Variants in MARCHF1 observed in about 807,000 individuals in gnomAD.
MARCHF1 encodes E3 ubiquitin-protein ligase MARCHF1.
A neutral mutation model predicts 54.2 loss-of-function variants in MARCHF1; 40 were observed. That is an observed-to-expected ratio of 0.74 (90% confidence interval 0.57 to 0.96). MARCHF1 has a LOEUF of 0.96. Ranked by LOEUF, MARCHF1 falls within the 40% of genes least tolerant of loss-of-function variation. MARCHF1 has a pLI of 0.00. For synonymous variants in MARCHF1, 236 were observed against 236.3 expected, an observed-to-expected ratio of 1.00 and a Z score of 0.01; for missense variants, 586 against 656.5, an observed-to-expected ratio of 0.89 and a Z score of 1.17.
chr4:164,089,226 C>T (rs1176346423), intron 2 of MARCHF1, among the ~76,000 whole-genome samples: 1 of 152,014 alleles, frequency 6.6e-6, no homozygotes. Context: ...GAAAATACGA[C>T]ATTGAATATT....
chr4:163,952,765 A>G (rs1196050311), intron 3 of MARCHF1, among the ~76,000 whole-genome samples: 4 of 152,194 alleles, frequency 2.6e-5, no homozygotes, highest in Admixed American at 2.6e-4. Flanking sequence ...ACTGCACACC[A>G]CCAAGCACAA....
intron 1 of MARCHF1, among the ~76,000 whole-genome samples, chr4:164,363,036 G>C (rs1004821250): frequency 6.6e-6 from 1 of 151,946 alleles, no homozygotes; most frequent in African/African-American, 2.4e-5. Flanking sequence ...AAGGTAAAAG[G>C]CTTATTAACA....
chr4:164,068,300 T>C (rs1754773412), intron 2 of MARCHF1, among the ~76,000 whole-genome samples: 1 of 152,026 alleles, frequency 6.6e-6, no homozygotes, highest in African/African-American at 2.4e-5. Flanking sequence ...TGGCCACACT[T>C]GAGGAGCCCT....
chr4:163,999,936 T>A (rs1014752321), intron 2 of MARCHF1, among the ~76,000 whole-genome samples: 1 of 151,740 alleles, frequency 6.6e-6, no homozygotes, highest in Admixed American at 6.6e-5. Flanking sequence ...AAAAACTTAA[T>A]AACAACATGT....
intron 4 of MARCHF1, among the ~76,000 whole-genome samples, chr4:163,748,553 T>G (rs1746427284): frequency 6.6e-6 from 1 of 152,144 alleles, no homozygotes; most frequent in Admixed American, 6.6e-5. Flanking sequence ...GCTTACTGCA[T>G]AATTCTGAGT....
intron 4 of MARCHF1, among the ~76,000 whole-genome samples, chr4:163,841,495 T>C (rs989316381): frequency 1.3e-5 from 2 of 152,010 alleles, no homozygotes; most frequent in African/African-American, 4.8e-5. Context: ...AGCCTAAATA[T>C]AAGAAATTAC....
At chr4:163,856,969 C>T (rs555415743) in intron 3 of MARCHF1, among the ~76,000 whole-genome samples, 10 of 151,362 alleles carry the variant, frequency 6.6e-5, no homozygotes, top group South Asian at 4.2e-4. Context: ...GAGCTGATGG[C>T]GCCACTGCAC....
intron 3 of MARCHF1, among the ~76,000 whole-genome samples, chr4:163,912,712 G>C (rs1751220802): frequency 6.6e-6 from 1 of 152,066 alleles, no homozygotes; most frequent in South Asian, 2.1e-4. Context: ...AACAGATTAA[G>C]ACAAAACAAT....
At chr4:163,949,841 G>A (rs1303184428) in intron 3 of MARCHF1, among the ~76,000 whole-genome samples, 1 of 152,168 alleles carries the variant, frequency 6.6e-6, no homozygotes, top group Non-Finnish European at 1.5e-5. Flanking sequence ...TCTCAGCAGA[G>A]AGGAGACCCA....
chr4:164,320,571 T>C (rs1212396690), intron 1 of MARCHF1, among the ~76,000 whole-genome samples: 3 of 152,152 alleles, frequency 2.0e-5, no homozygotes, highest in Non-Finnish European at 4.4e-5. Context: ...TTACCACACC[T>C]ACGAATGTAT....
intron 4 of MARCHF1, among the ~76,000 whole-genome samples, chr4:163,754,659 C>T (rs534577210): frequency 1.5e-4 from 23 of 152,216 alleles, no homozygotes; most frequent in African/African-American, 3.9e-4. Context: ...TCCAAGACCA[C>T]GCTAAGCCTC....
At chr4:164,340,226 A>G (rs1400491437) in intron 1 of MARCHF1, among the ~76,000 whole-genome samples, 1 of 150,718 alleles carries the variant, frequency 6.6e-6, no homozygotes, top group Non-Finnish European at 1.5e-5. Context: ...GAATACTTCC[A>G]AACTCATTTT....
chr4:163,558,226 C>T (rs921027536), intron 8 of MARCHF1, among the ~76,000 whole-genome samples: 4 of 152,096 alleles, frequency 2.6e-5, no homozygotes, highest in East Asian at 1.9e-4. Context: ...GTGGAACAGG[C>T]GTGAACGGTT....
At chr4:164,053,711 T>C (rs902532281) in intron 2 of MARCHF1, among the ~76,000 whole-genome samples, 5 of 152,346 alleles carry the variant, frequency 3.3e-5, no homozygotes, top group East Asian at 1.9e-4. Context: ...GGACATTTCA[T>C]TCAACCTCCT....
At chr4:164,165,213 A>G (rs1007649875) in intron 1 of MARCHF1, among the ~76,000 whole-genome samples, 4 of 152,048 alleles carry the variant, frequency 2.6e-5, no homozygotes, top group Admixed American at 2.0e-4. Flanking sequence ...TTTGTAACAT[A>G]AGTTGAAGTC....
At chr4:163,770,149 G>T (rs2110863920) in intron 4 of MARCHF1, among the ~76,000 whole-genome samples, 1 of 152,148 alleles carries the variant, frequency 6.6e-6, no homozygotes, top group East Asian at 1.9e-4. Context: ...TGACTATGTT[G>T]TCAGTAAGGG....
intron 2 of MARCHF1, among the ~76,000 whole-genome samples, chr4:164,053,497 T>C (rs192760658): frequency 6.6e-6 from 1 of 152,306 alleles, no homozygotes; most frequent in African/African-American, 2.4e-5. Flanking sequence ...TTGCATATGA[T>C]TGAGAAGAAT....
At chr4:164,278,559 T>C (rs1036505276) in intron 1 of MARCHF1, among the ~76,000 whole-genome samples, 3 of 152,312 alleles carry the variant, frequency 2.0e-5, no homozygotes, top group African/African-American at 4.8e-5. Flanking sequence ...CCTTGAAAGA[T>C]TGTTCAAATA....
chr4:163,814,536 A>T (rs1748482335), intron 4 of MARCHF1, among the ~76,000 whole-genome samples: 1 of 152,202 alleles, frequency 6.6e-6, no homozygotes, highest in South Asian at 2.1e-4. Flanking sequence ...CTGAGCCGAG[A>T]TCAAGCCATT....
Sources: allele counts gnomAD v4.1 joint callset (sites outside exome capture counted in the v4.1 genomes callset), GRCh38; gene constraint gnomAD v4.1.1; transcripts MANE v1.5; gene names NCBI Gene and HGNC (gene_info 2026-07-23, HGNC 2026-07-21).